The following PRKAG2 variants were observed in gnomAD, a reference collection of about 807,000 sequenced individuals.
PRKAG2 encodes the protein protein kinase AMP-activated non-catalytic subunit gamma 2.
A neutral mutation model predicts 69.6 loss-of-function variants in PRKAG2; 26 were observed. The ratio of observed to expected loss-of-function variants is 0.37; its 90% CI spans 0.27 to 0.52. The LOEUF (loss-of-function observed/expected upper bound fraction) is 0.52, where lower values mean the gene tolerates loss of function less well. PRKAG2 is among the 20% of genes least tolerant of loss of function. The probability of loss-of-function intolerance (pLI) is 0.90; values close to 1 mark genes in which losing one functional copy is unlikely to be tolerated. For synonymous variants in PRKAG2, 293 were observed against 285.0 expected (o/e 1.03, Z -0.28); for missense variants, 557 against 740.0 (o/e 0.75, Z 2.87).
At chr7:151,718,122 C>A (rs1796453210) in intron 3 of PRKAG2, among the ~76,000 whole-genome samples, 1 of 152,180 alleles carries the variant, frequency 6.6e-6, no homozygotes, top group African/African-American at 2.4e-5. Context: ...GCTGGCAGAA[C>A]AGAGCACATA....
chr7:151,832,595 T>TGGGGGGG (rs34839120), intron 1 of PRKAG2, among the ~76,000 whole-genome samples: 2 of 141,786 alleles, frequency 1.4e-5, no homozygotes, highest in Admixed American at 6.9e-5. Context: ...GAGGCATCTC[T>TGGGGGGG]GGGGGGGGGG....
intron 3 of PRKAG2, among the ~76,000 whole-genome samples, chr7:151,733,331 C>T (rs1324429075): frequency 6.6e-6 from 1 of 152,198 alleles, no homozygotes; most frequent in Non-Finnish European, 1.5e-5. Flanking sequence ...GAGGGACCTC[C>T]GATTTTCTTG....
intron 1 of PRKAG2, among the ~76,000 whole-genome samples, chr7:151,823,405 A>G (rs964489339): frequency 6.6e-6 from 1 of 150,664 alleles, no homozygotes; most frequent in African/African-American, 2.4e-5. Flanking sequence ...CACTCCCAGA[A>G]CCTCAGAATG....
intron 5 of PRKAG2, among the ~76,000 whole-genome samples, chr7:151,599,161 CA>C (rs1815381582): frequency 6.6e-6 from 1 of 152,036 alleles, no homozygotes; most frequent in African/African-American, 2.4e-5. Flanking sequence ...CCCTAACTGA[CA>C]ATTTAAACAA....
In PRKAG2 at chr7:151,557,263, A is replaced by T. The variant is rs771963460; in HGVS notation, c.1679-31T>A. The T allele has an allele frequency of 2.9e-5, 46 of 1,613,810 alleles. 1 individual carries two copies. Among genetic ancestry groups the T allele is most frequent in the Non-Finnish European group, 1.7e-6 (2 of 1,179,902 alleles). ...AGTGGATGGAAGATGAAAGTTTCAA[A>T]GCTCATGGTAACAGCAGGGTTCTCT... On this transcript the variant is annotated intron_variant, in intron 15 of 15. Transcript: ENST00000287878.
At chr7:151,568,978 G>A in intron 10 of PRKAG2, 136 bp from the exon 11 acceptor site, 1 of 1,029,004 alleles carries the variant, frequency 9.7e-7, no homozygotes, top group Non-Finnish European at 1.5e-6. Context: ...TTTTAAATTA[G>A]AGATCTCAGC....
In PRKAG2 at chr7:151,807,201, T is replaced by C. The variant is rs1221458871; in HGVS notation, c.115-20660A>G. Among the ~76,000 whole-genome samples the C allele has an allele frequency of 6.6e-6, 1 of 152,118 alleles. No individual in the cohort carries two copies. The highest frequency in any genetic ancestry group is 1.5e-5 in the Non-Finnish European group (1 of 68,026). ...CGACAACCCATCTAATTGTATACTG[T>C]CAGTCAAAGGGCATTATATGTAAAT... On this transcript the variant is annotated intron_variant, in intron 1 of 15. Coordinates refer to ENST00000287878, the MANE Select transcript of PRKAG2 (RefSeq NM_016203.4). This position sits in a 1 kb window ranked among gnomAD's most constrained non-coding sequence, Gnocchi z 4.4.
At chr7:151,650,890 G>A (rs185816661) in intron 4 of PRKAG2, among the ~76,000 whole-genome samples, 42 of 152,232 alleles carry the variant, frequency 2.8e-4, no homozygotes, top group African/African-American at 8.9e-4. Flanking sequence ...TAACTTTTCC[G>A]TTGCAAATTA....
chr7:151,585,183 T>C (rs2151084835), intron 6 of PRKAG2, among the ~76,000 whole-genome samples: 1 of 152,346 alleles, frequency 6.6e-6, no homozygotes, highest in East Asian at 1.9e-4. Flanking sequence ...ATTAGTACCT[T>C]CACAATTCTT....
chr7:151,703,883 CACACACACACACACACACACACACACAA>C (rs1222826395), intron 3 of PRKAG2, among the ~76,000 whole-genome samples: 3 of 148,936 alleles, frequency 2.0e-5, no homozygotes, highest in African/African-American at 7.5e-5. Flanking sequence ...CACACACACA[CACACACACACACACACACACACACACAA>C]ATTAGCTAGG....
intron 3 of PRKAG2, among the ~76,000 whole-genome samples, chr7:151,776,502 C>T (rs887080366): frequency 6.6e-6 from 1 of 152,238 alleles, no homozygotes; most frequent in African/African-American, 2.4e-5. Flanking sequence ...CAGTGGCCAA[C>T]GTCCCACCAT....
chr7:151,658,075 G>A (rs182141921), intron 4 of PRKAG2, among the ~76,000 whole-genome samples: 4 of 150,480 alleles, frequency 2.7e-5, no homozygotes, highest in Admixed American at 2.7e-4. Context: ...GGAGAATGGC[G>A]TGAACCCGGG....
In PRKAG2 at chr7:151,567,280, G is replaced by A. The variant is rs149629977; in HGVS notation, c.1234-1395C>T. Among the ~76,000 whole-genome samples the A allele has an allele frequency of 4.6e-5, 7 of 152,242 alleles. No individual in the cohort carries two copies. The East Asian group carries it at 9.6e-4, about 21-fold the overall frequency. On this transcript the variant is annotated intron_variant, in intron 11 of 15. Transcript: ENST00000287878. This position sits in a 1 kb window ranked among gnomAD's most constrained non-coding sequence, Gnocchi z 4.2. ...GCTTGAAAGGGATCCTGGCTCTACC[G>A]CTTCCCAGCCACGCAACCTTGGCAA... is the stretch of plus-strand genomic sequence containing the variant.
intron 4 of PRKAG2, among the ~76,000 whole-genome samples, chr7:151,657,636 G>T (rs1406148464): frequency 6.6e-6 from 1 of 152,196 alleles, no homozygotes; most frequent in Non-Finnish European, 1.5e-5. Context: ...TTGCAGGACT[G>T]TTGTGAGAAT....
intron 3 of PRKAG2, among the ~76,000 whole-genome samples, chr7:151,774,839 G>C (rs956694856): frequency 6.6e-6 from 1 of 152,084 alleles, no homozygotes; most frequent in Admixed American, 6.6e-5. Flanking sequence ...AGAAAACAGT[G>C]CTTATCAAGC....
In PRKAG2 at chr7:151,828,139, C is replaced by T. The variant is rs573430917; in HGVS notation, c.115-41598G>A. Among the ~76,000 whole-genome samples, 55 of 152,344 alleles carry T rather than the reference C, an allele frequency of 3.6e-4. 1 individual carries two copies. Among genetic ancestry groups the T allele is most frequent in the African/African-American group, 1.3e-3 (55 of 41,576 alleles). On this transcript the variant is annotated intron_variant, in intron 1 of 15. Transcript: ENST00000287878. The surrounding 1 kb of genome is among the most constrained non-coding windows in gnomAD (Gnocchi z 4.6). ...AAACGCCTGCTACCCAGGGGAGCCC[C>T]GACCCCAGGCTGGCCCTGGAATGAG...
At chr7:151,834,882 G>A (rs1357136406) in intron 1 of PRKAG2, among the ~76,000 whole-genome samples, 1 of 152,232 alleles carries the variant, frequency 6.6e-6, no homozygotes, top group Non-Finnish European at 1.5e-5. Context: ...GAGGCTGAGA[G>A]GGAGAATCTG....
chr7:151,672,332 T>G (rs1365540601), intron 4 of PRKAG2, among the ~76,000 whole-genome samples: 2 of 151,926 alleles, frequency 1.3e-5, no homozygotes, highest in Non-Finnish European at 2.9e-5. Context: ...CGATCTCTCG[T>G]GATCCACCCA....
At chr7:151,720,284 T>C (rs150384726) in intron 3 of PRKAG2, among the ~76,000 whole-genome samples, 5 of 152,124 alleles carry the variant, frequency 3.3e-5, no homozygotes, top group African/African-American at 9.6e-5. Flanking sequence ...GGGACAAGCA[T>C]TGTTGTTCAA....
Sources: gnomAD v4.1 joint callset for allele counts (sites outside exome capture counted in the v4.1 genomes callset) on GRCh38, gnomAD v4.1.1 for gene constraint, Gnocchi (gnomAD v3.1) non-coding constraint, MANE v1.5 for transcripts, NCBI Gene and HGNC (gene_info 2026-07-23, HGNC 2026-07-21) for gene names.